CFAP299: variants seen among roughly 807,000 people sequenced by gnomAD.
The protein encoded by CFAP299 is cilia and flagella associated protein 299, also known as cilia- and flagella-associated protein 299.
A neutral mutation model predicts 27.0 loss-of-function variants in CFAP299; 21 were observed. The ratio of observed to expected loss-of-function variants is 0.78; its 90% CI spans 0.55 to 1.12. The LOEUF (loss-of-function observed/expected upper bound fraction) is 1.12. CFAP299 is among the 50% of genes most tolerant of loss of function. The pLI is 0.00. For synonymous variants in CFAP299, 104 were observed against 98.1 expected (o/e 1.06, Z -0.36); for missense variants, 310 against 276.6 (o/e 1.12, Z -0.86).
chr4:80,644,858 A>G lies in CFAP299; in HGVS notation c.333+61675A>G, dbSNP rs1739910372. 2.0e-5 allele frequency among the ~76,000 whole-genome samples: 3 copies of G among 152,158 alleles called. No individual in the cohort carries two copies. In the South Asian group the frequency reaches 6.2e-4, roughly 31 times the overall value. ...ATGAATTAATTTTTTAAAATGCCCA[A>G]TTCATAGCAAAAATATGAGCAGAAA... On this transcript the variant is annotated intron_variant, in intron 3 of 5. Transcript: ENST00000358105.
chr4:80,491,584 C>T (rs183760839), intron 2 of CFAP299, among the ~76,000 whole-genome samples: 1 of 152,066 alleles, frequency 6.6e-6, no homozygotes, highest in East Asian at 1.9e-4. Context: ...CTGTTCTCAC[C>T]AAATGGTTTA....
chr4:80,951,545 A>G lies in CFAP299; in HGVS notation c.606+6606A>G, dbSNP rs950045401. On this transcript the variant is annotated intron_variant, in intron 5 of 5. Transcript: ENST00000358105. ...AGCCTGCCCTGGCTTGATTAGGAGC[A>G]ATTCCTATTAATTCAGGAAAGCATT... Among the ~76,000 whole-genome samples the G allele has an allele frequency of 1.2e-4, 18 of 152,260 alleles. No individual in the cohort carries two copies. In the East Asian group the frequency reaches 3.5e-3, roughly 29 times the overall value.
intron 2 of CFAP299, among the ~76,000 whole-genome samples, chr4:80,535,661 A>G (rs1161092526): frequency 6.6e-6 from 1 of 152,066 alleles, no homozygotes; most frequent in Non-Finnish European, 1.5e-5. Context: ...AATCTCAAAA[A>G]ACTCTCTTCC....
At chr4:80,845,812 A>G (rs1386482924) in intron 3 of CFAP299, among the ~76,000 whole-genome samples, 1 of 152,194 alleles carries the variant, frequency 6.6e-6, no homozygotes, top group Non-Finnish European at 1.5e-5. Flanking sequence ...AGAAATATCT[A>G]GTATATCAGA....
intron 5 of CFAP299, among the ~76,000 whole-genome samples, chr4:80,958,086 A>G (rs1738156185): frequency 1.3e-5 from 2 of 152,108 alleles, no homozygotes; most frequent in African/African-American, 4.8e-5. Context: ...ACTAAATCCA[A>G]GAAACTCTGT....
chr4:80,420,583 A>G (rs960201862), intron 2 of CFAP299, among the ~76,000 whole-genome samples: 3 of 152,136 alleles, frequency 2.0e-5, no homozygotes, highest in Non-Finnish European at 4.4e-5. Context: ...AGAAATGTCT[A>G]TTCAGGTCCT....
At chr4:80,363,871 G>A (rs975348840) in intron 2 of CFAP299, among the ~76,000 whole-genome samples, 6 of 152,042 alleles carry the variant, frequency 3.9e-5, no homozygotes, top group Non-Finnish European at 8.8e-5. Flanking sequence ...GGCAGATCAA[G>A]AGGTCAGGAG....
intron 3 of CFAP299, among the ~76,000 whole-genome samples, chr4:80,779,264 A>G (rs1726736386): frequency 6.6e-6 from 1 of 152,044 alleles, no homozygotes; most frequent in Non-Finnish European, 1.5e-5. Flanking sequence ...CAGCAATTCC[A>G]TGTCTTCAAA....
chr4:80,338,816 A>T (rs1722289801), intron 1 of CFAP299, among the ~76,000 whole-genome samples: 9 of 152,230 alleles, frequency 5.9e-5, no homozygotes, highest in Admixed American at 5.9e-4. Context: ...AACATTTACT[A>T]TCTTCCAGGT....
At chr4:80,431,152 T>G (rs1386643998) in intron 2 of CFAP299, among the ~76,000 whole-genome samples, 1 of 152,234 alleles carries the variant, frequency 6.6e-6, no homozygotes, top group East Asian at 1.9e-4. Context: ...ACTTTGTGGT[T>G]ATTGCTACCT....
intron 3 of CFAP299, among the ~76,000 whole-genome samples, chr4:80,839,718 G>A (rs888856382): frequency 6.6e-6 from 1 of 151,612 alleles, no homozygotes; most frequent in Non-Finnish European, 1.5e-5. Context: ...GAATTTGCAA[G>A]GGGACAAACT....
At chr4:80,857,210 G>T (rs963355193) in intron 3 of CFAP299, among the ~76,000 whole-genome samples, 1 of 152,138 alleles carries the variant, frequency 6.6e-6, no homozygotes, top group African/African-American at 2.4e-5. Flanking sequence ...CTGTTTCTCT[G>T]TTATTGGTAT....
At chr4:80,913,188 G>T (rs1430225576) in intron 4 of CFAP299, among the ~76,000 whole-genome samples, 1 of 152,142 alleles carries the variant, frequency 6.6e-6, no homozygotes, top group Non-Finnish European at 1.5e-5. Flanking sequence ...CAGATAAAAA[G>T]AAAATAGTAT....
chr4:80,952,810 T>A (rs141402582), intron 5 of CFAP299, among the ~76,000 whole-genome samples: 199 of 152,220 alleles, frequency 1.3e-3, no homozygotes, highest in African/African-American at 4.6e-3. Context: ...CTTGCTACTA[T>A]TAGTAGGAAA....
chr4:80,328,758 C>G, the CFAP299 span, among the ~76,000 whole-genome samples: 8 of 152,066 alleles, frequency 5.3e-5, no homozygotes, highest in Admixed American at 5.2e-4. Flanking sequence ...TGAGTGATTT[C>G]CTGTAGGCTA....
intron 4 of CFAP299, among the ~76,000 whole-genome samples, chr4:80,908,427 T>C (rs1217658283): frequency 6.6e-6 from 1 of 152,206 alleles, no homozygotes; most frequent in African/African-American, 2.4e-5. Flanking sequence ...TCTTTAACAG[T>C]TTGAGAATAT....
intron 2 of CFAP299, among the ~76,000 whole-genome samples, chr4:80,510,669 A>G (rs1047210274): frequency 6.6e-6 from 1 of 152,186 alleles, no homozygotes; most frequent in African/African-American, 2.4e-5. Flanking sequence ...GAGTTAGTAC[A>G]GGGATCTTAA....
intron 3 of CFAP299, among the ~76,000 whole-genome samples, chr4:80,628,841 G>T (rs527729293): frequency 6.6e-6 from 1 of 152,228 alleles, no homozygotes; most frequent in African/African-American, 2.4e-5. Context: ...AAAATGTGCG[G>T]CAAAGGGAAC....
chr4:80,777,115 G>A (rs1726589743), intron 3 of CFAP299, among the ~76,000 whole-genome samples: 1 of 151,930 alleles, frequency 6.6e-6, no homozygotes. Context: ...TTTCAGGTGT[G>A]ATCAAAAAGG....
Sources: allele counts gnomAD v4.1 joint callset (sites outside exome capture counted in the v4.1 genomes callset), GRCh38; gene constraint gnomAD v4.1.1; transcripts MANE v1.5; gene names NCBI Gene and HGNC (gene_info 2026-07-23, HGNC 2026-07-21).